SHANK2: variants seen among roughly 807,000 people sequenced by gnomAD.
SHANK2 encodes the protein SH3 and multiple ankyrin repeat domains 2, also known as SH3 and multiple ankyrin repeat domains protein 2.
Under a neutral mutation model 133.7 loss-of-function variants are expected in SHANK2, and 43 were observed. The observed-to-expected ratio is 0.32, with a 90% CI of 0.25 to 0.41. SHANK2 has a LOEUF of 0.41. SHANK2 is among the 10% of genes least tolerant of loss of function. The pLI is 1.00. For synonymous variants in SHANK2, 1,017 were observed against 952.8 expected, an observed-to-expected ratio of 1.07 and a Z score of -1.24; for missense variants, 1,994 against 2,235.8, an observed-to-expected ratio of 0.89 and a Z score of 2.18.
chr11:70,636,841 TAAG>T (rs1486067634), intron 17 of SHANK2, among the ~76,000 whole-genome samples: 3 of 152,094 alleles, frequency 2.0e-5, no homozygotes, highest in Non-Finnish European at 4.4e-5. Flanking sequence ...TGTGTATTTA[TAAG>T]AATGTATGTA....
chr11:70,746,478 G>C (rs1318488742), intron 14 of SHANK2, among the ~76,000 whole-genome samples: 2 of 148,576 alleles, frequency 1.3e-5, no homozygotes, highest in Non-Finnish European at 3.0e-5. Flanking sequence ...GGGAAGGCTG[G>C]ACCTTCCTTC....
chr11:70,797,832 T>TACACACACACACACAC (rs368707688), intron 14 of SHANK2, among the ~76,000 whole-genome samples: 11 of 142,040 alleles, frequency 7.7e-5, no homozygotes, highest in Non-Finnish European at 1.1e-4. Flanking sequence ...TCCACTCTCA[T>TACACACACACACACAC]ACACACACAC....
At position 70,473,672 on chromosome 11, in the gene SHANK2, C is replaced by G. The variant is rs1273192678; in HGVS notation, c.4980-233G>C. On this transcript the variant is annotated intron_variant, in intron 25 of 25. Transcript: ENST00000601538. This position sits in a 1 kb window ranked among gnomAD's most constrained non-coding sequence, Gnocchi z 5.9. ...CACCACGTCAGCCCACTCACCTGAA[C>G]TGGGACAGAGGGGCTGGGGGACCTG... The G allele has an allele frequency of 6.5e-6, 4 of 616,254 alleles. No individual in the cohort carries two copies. Among genetic ancestry groups the G allele is most frequent in the African/African-American group, 5.4e-5 (3 of 55,460 alleles). 38.2% of individuals were successfully genotyped at this position (616,254 alleles called of 1,614,324 possible). A position where few individuals can be genotyped will look rare whatever the true frequency, so the allele number is the denominator to read the frequency against.
intron 3 of SHANK2, among the ~76,000 whole-genome samples, chr11:71,123,628 G>A (rs1206300783): frequency 6.6e-6 from 1 of 152,190 alleles, no homozygotes; most frequent in African/African-American, 2.4e-5. Context: ...CCTTGGTCAT[G>A]TCAAGTTCTC....
intron 8 of SHANK2, among the ~76,000 whole-genome samples, chr11:71,089,138 C>T (rs1951460843): frequency 1.3e-5 from 2 of 152,364 alleles, no homozygotes; most frequent in Admixed American, 6.5e-5. Context: ...AAGCAGGTCA[C>T]CTTGGAAGCT....
At chr11:71,107,125 A>G (rs1022334333) in intron 6 of SHANK2, among the ~76,000 whole-genome samples, 2 of 152,050 alleles carry the variant, frequency 1.3e-5, no homozygotes, top group Non-Finnish European at 2.9e-5. Context: ...AAAAAAAAAG[A>G]AAGGGGAGTG....
At chr11:70,850,214 C>T (rs1315929481) in intron 11 of SHANK2, among the ~76,000 whole-genome samples, 5 of 152,168 alleles carry the variant, frequency 3.3e-5, no homozygotes, top group East Asian at 1.9e-4. Flanking sequence ...ACAGTGTCAG[C>T]GGTCAGTACT....
intron 10 of SHANK2, among the ~76,000 whole-genome samples, chr11:70,897,776 C>A (rs1006128504): frequency 6.6e-6 from 1 of 152,098 alleles, no homozygotes. Flanking sequence ...CTCAAAGGAC[C>A]TTTCCTTTAG....
chr11:70,694,861 CT>C (rs1555021885), intron 15 of SHANK2, among the ~76,000 whole-genome samples: 9 of 152,306 alleles, frequency 5.9e-5, no homozygotes, highest in Admixed American at 1.3e-4. Context: ...CGCTCTCTGC[CT>C]GCACTGCCCA....
chr11:70,827,228 C>T (rs1948655881), intron 11 of SHANK2, among the ~76,000 whole-genome samples: 1 of 151,004 alleles, frequency 6.6e-6, no homozygotes, highest in South Asian at 2.1e-4. Flanking sequence ...GAGGTAATTA[C>T]CCTGGAAAAA....
At position 70,763,693 on chromosome 11, in the gene SHANK2, T is replaced by C. The variant is rs182936466; in HGVS notation, c.1777+34750A>G. 2.5e-3 allele frequency among the ~76,000 whole-genome samples: 388 copies of C among 152,282 alleles called. 2 individuals are homozygous for C. Among genetic ancestry groups the C allele is most frequent in the Non-Finnish European group, 4.0e-3 (272 of 68,020 alleles). On this transcript the variant is annotated intron_variant, in intron 14 of 25. Transcript: ENST00000601538. ...TTGGGCCATATGGATGCCCGATGCATAATGGTCTGCAGCTGACTGCAATAA... is the reference window on the plus strand; with the variant it reads ...TTGGGCCATATGGATGCCCGATGCACAATGGTCTGCAGCTGACTGCAATAA...
At chr11:70,531,695 C>CA (rs374373051) in intron 17 of SHANK2, among the ~76,000 whole-genome samples, 35 of 152,272 alleles carry the variant, frequency 2.3e-4, no homozygotes, top group African/African-American at 7.7e-4. Flanking sequence ...TCGGGGCTGG[C>CA]ATGGGGACTG....
Position 70,821,259 on chromosome 11 carries a change from G to A in SHANK2, c.1175-577C>T, listed in dbSNP as rs192253408. ...GATTGGGGTCCTTATAAGAAGAGGCGATGAGGACACAGACACACACACAGG... is the reference window on the plus strand; with the variant it reads ...GATTGGGGTCCTTATAAGAAGAGGCAATGAGGACACAGACACACACACAGG... On this transcript the variant is annotated intron_variant, in intron 11 of 25. Coordinates refer to ENST00000601538, the MANE Select transcript of SHANK2 (RefSeq NM_012309.5). 5.5e-4 allele frequency among the ~76,000 whole-genome samples: 83 copies of A among 152,260 alleles called. 1 individual carries two copies. Among genetic ancestry groups the A allele is most frequent in the Admixed American group, 3.9e-3 (60 of 15,300 alleles).
intron 10 of SHANK2, among the ~76,000 whole-genome samples, chr11:70,908,508 GC>G (rs1205278950): frequency 1.3e-5 from 2 of 152,228 alleles, no homozygotes; most frequent in Non-Finnish European, 2.9e-5. Context: ...CTGCGATTTT[GC>G]CATGACTGCA....
intron 10 of SHANK2, chr11:70,933,320 T>C: frequency 2.2e-6 from 1 of 454,718 alleles, no homozygotes; most frequent in Admixed American, 2.3e-5. Flanking sequence ...AGTTCTGAGA[T>C]TCATAGAGAT....
At chr11:70,658,653 C>T (rs553020384) in intron 17 of SHANK2, among the ~76,000 whole-genome samples, 7 of 152,296 alleles carry the variant, frequency 4.6e-5, no homozygotes, top group South Asian at 4.1e-4. Context: ...TCCATTGCCC[C>T]GTAATAGTCC....
intron 11 of SHANK2, among the ~76,000 whole-genome samples, chr11:70,822,986 C>T (rs9735402): frequency 8.9e-4 from 37 of 41,648 alleles, no homozygotes; most frequent in Admixed American, 2.9e-3. Flanking sequence ...CTGGCAGAGC[C>T]CATGGGGGAC....
intron 17 of SHANK2, among the ~76,000 whole-genome samples, chr11:70,554,977 C>T (rs1554979176): frequency 6.6e-6 from 1 of 151,626 alleles, no homozygotes; most frequent in Non-Finnish European, 1.5e-5. Context: ...ATTTTCCCAA[C>T]AGCACGTGCT....
At chr11:70,827,104 C>T (rs888698075) in intron 11 of SHANK2, among the ~76,000 whole-genome samples, 3 of 152,038 alleles carry the variant, frequency 2.0e-5, no homozygotes, top group African/African-American at 7.2e-5. Context: ...CACACCAGAC[C>T]CACGTTCCCC....
Sources: gnomAD v4.1 joint callset for allele counts (sites outside exome capture counted in the v4.1 genomes callset) on GRCh38, gnomAD v4.1.1 for gene constraint, Gnocchi (gnomAD v3.1) non-coding constraint, MANE v1.5 for transcripts, NCBI Gene and HGNC (gene_info 2026-07-23, HGNC 2026-07-21) for gene names.